Variants in ANK2 observed in about 807,000 individuals in gnomAD.
ANK2 encodes the protein ankyrin-2.
ANK2 carries 83 observed loss-of-function variants against 360.5 expected under a neutral mutation model. The observed-to-expected ratio is 0.23, with a 90% confidence interval of 0.19 to 0.28. ANK2 has a LOEUF of 0.28. Among genes scored for constraint, ANK2 ranks in the 10% least tolerant of loss-of-function variants. The pLI is 1.00. For missense variants in ANK2, 4,201 were observed against 4,795.7 expected, an observed-to-expected ratio of 0.88 and a Z score of 3.66; for synonymous variants, 1,740 against 1,759.5, an observed-to-expected ratio of 0.99 and a Z score of 0.28.
intron 2 of ANK2, among the ~76,000 whole-genome samples, chr4:112,961,563 C>T (rs1366755896): frequency 6.6e-6 from 1 of 152,078 alleles, no homozygotes; most frequent in Non-Finnish European, 1.5e-5. Flanking sequence ...CAGGACTTGA[C>T]TTTAACGTGC....
intron 23 of ANK2, among the ~76,000 whole-genome samples, chr4:113,305,780 A>T (rs1333677630): frequency 6.6e-6 from 1 of 152,182 alleles, no homozygotes; most frequent in Non-Finnish European, 1.5e-5. Context: ...TTATTAGCTA[A>T]TCCCTGTTTT....
chr4:113,281,831 G>A (rs942620099), intron 17 of ANK2, among the ~76,000 whole-genome samples: 4 of 152,078 alleles, frequency 2.6e-5, no homozygotes, highest in South Asian at 2.1e-4. Flanking sequence ...ACTCCCGCCC[G>A]AAATAAGTAG....
chr4:112,854,596 AG>A (rs2065873869), intron 1 of ANK2, among the ~76,000 whole-genome samples: 1 of 152,298 alleles, frequency 6.6e-6, no homozygotes, highest in African/African-American at 2.4e-5. Flanking sequence ...CACATGACTT[AG>A]TGACTAAATG....
At chr4:112,868,947 T>C (rs1446945895) in intron 1 of ANK2, among the ~76,000 whole-genome samples, 1 of 152,098 alleles carries the variant, frequency 6.6e-6, no homozygotes. Flanking sequence ...AAGAGTTGTC[T>C]TTTCAGTTTC....
intron 9 of ANK2, among the ~76,000 whole-genome samples, chr4:113,247,217 A>G (rs976117210): frequency 1.1e-4 from 17 of 152,046 alleles, no homozygotes; most frequent in Non-Finnish European, 2.4e-4. Flanking sequence ...AGGGGGAAAA[A>G]CCCATAACCT....
intron 45 of ANK2, among the ~76,000 whole-genome samples, chr4:113,375,216 T>A (rs2154078338): frequency 6.6e-6 from 1 of 152,250 alleles, no homozygotes; most frequent in East Asian, 1.9e-4. Flanking sequence ...CTGGAGCTGG[T>A]ATATGATTAT....
intron 1 of ANK2, among the ~76,000 whole-genome samples, chr4:112,898,681 A>T (rs1211996166): frequency 6.6e-6 from 1 of 152,254 alleles, no homozygotes. Context: ...ATTTAAAATT[A>T]ACTTGAGAAA....
chr4:113,088,647 C>A (rs116370992), intron 1 of ANK2, among the ~76,000 whole-genome samples: 1 of 151,632 alleles, frequency 6.6e-6, no homozygotes, highest in Non-Finnish European at 1.5e-5. Flanking sequence ...CTCCAAAAGA[C>A]GGTGAAACAG....
chr4:112,722,472 G>T, the ANK2 span, among the ~76,000 whole-genome samples: 2 of 152,144 alleles, frequency 1.3e-5, no homozygotes, highest in Non-Finnish European at 2.9e-5. Context: ...CTAACAGGAG[G>T]CCAGAAGTTG....
At chr4:112,805,431 C>T in the ANK2 span, among the ~76,000 whole-genome samples, 34 of 152,190 alleles carry the variant, frequency 2.2e-4, no homozygotes, top group African/African-American at 8.2e-4. Context: ...GTCAACAGAT[C>T]ATTTTTTGTG....
At chr4:113,059,895 A>G (rs569474156) in intron 1 of ANK2, among the ~76,000 whole-genome samples, 20 of 152,258 alleles carry the variant, frequency 1.3e-4, no homozygotes, top group African/African-American at 4.3e-4. Flanking sequence ...CCAATATCCC[A>G]TAAGAGCCAG....
chr4:112,783,796 C>T, the ANK2 span, among the ~76,000 whole-genome samples: 2 of 151,914 alleles, frequency 1.3e-5, no homozygotes, highest in African/African-American at 4.8e-5. Flanking sequence ...ACTACAGACA[C>T]CCGCCACCAC....
At chr4:113,035,489 C>T (rs1216669015) in intron 2 of ANK2, among the ~76,000 whole-genome samples, 1 of 151,854 alleles carries the variant, frequency 6.6e-6, no homozygotes, top group Admixed American at 6.6e-5. Flanking sequence ...CTTAGAAGCT[C>T]TGGTAACTCG....
At chr4:112,893,620 C>G (rs534391926) in intron 1 of ANK2, among the ~76,000 whole-genome samples, 1 of 152,328 alleles carries the variant, frequency 6.6e-6, no homozygotes, top group East Asian at 1.9e-4. Context: ...TGTATACATT[C>G]TCTATTCCAT....
Position 113,292,413 on chromosome 4 carries a change from C to T in ANK2, c.2278-3C>T, listed in dbSNP as rs2068212813. ...CTGGGCCCGCCACCACTGTCCTCCA[C>T]AGAACGGCTACACGCCTTTGCACCA... On this transcript the variant is annotated splice_region_variant and splice_polypyrimidine_tract_variant and intron_variant, in intron 20 of 45. Coordinates refer to ENST00000357077, the MANE Select transcript of ANK2 (RefSeq NM_001148.6). 2 of 1,608,704 alleles carry T rather than the reference C, an allele frequency of 1.2e-6. No individual in the cohort carries two copies. Among genetic ancestry groups the T allele is most frequent in the African/African-American group, 1.3e-5 (1 of 74,770 alleles).
intron 1 of ANK2, among the ~76,000 whole-genome samples, chr4:112,853,104 C>G (rs891553845): frequency 6.6e-6 from 1 of 151,916 alleles, no homozygotes; most frequent in African/African-American, 2.4e-5. Context: ...AAGTCTCGCT[C>G]TCTCGCCAGG....
intron 1 of ANK2, among the ~76,000 whole-genome samples, chr4:112,903,413 G>T (rs1318113501): frequency 6.6e-6 from 1 of 152,146 alleles, no homozygotes; most frequent in Non-Finnish European, 1.5e-5. Context: ...TGCTATAATT[G>T]GTCCAGGGAT....
At chr4:113,236,883 G>A in intron 5 of ANK2, 104 bp from the exon 6 acceptor site, 3 of 1,157,592 alleles carry the variant, frequency 2.6e-6, no homozygotes, top group Non-Finnish European at 3.9e-6. Flanking sequence ...TTATTCTTTT[G>A]GTTGTCAATC....
intron 4 of ANK2, among the ~76,000 whole-genome samples, chr4:113,221,637 G>A (rs1022007499): frequency 3.3e-5 from 5 of 151,334 alleles, no homozygotes; most frequent in East Asian, 3.9e-4. Flanking sequence ...CCAGCCTGGG[G>A]GACAGAGTGA....
Sources: allele counts gnomAD v4.1 joint callset (sites outside exome capture counted in the v4.1 genomes callset), GRCh38; gene constraint gnomAD v4.1.1; transcripts MANE v1.5; gene names NCBI Gene and HGNC (gene_info 2026-07-23, HGNC 2026-07-21).